Variants in PATJ observed in about 807,000 individuals in gnomAD.
PATJ encodes the protein inaD-like protein.
In PATJ, 190 loss-of-function variants were observed where a neutral mutation model predicts 224.9. The observed-to-expected ratio is 0.84, with a 90% confidence interval of 0.75 to 0.95. The LOEUF is 0.95. PATJ is among the 40% of genes least tolerant of loss of function. The pLI is 0.00. For missense variants in PATJ, 2,121 were observed against 2,270.3 expected, an observed-to-expected ratio of 0.93 and a Z score of 1.34; for synonymous variants, 769 against 820.3, an observed-to-expected ratio of 0.94 and a Z score of 1.07.
chr1:62,070,150 T>C (rs1657141634), intron 31 of PATJ, among the ~76,000 whole-genome samples: 2 of 152,192 alleles, frequency 1.3e-5, no homozygotes, highest in African/African-American at 2.4e-5. Context: ...AGATCTACAA[T>C]ATCATTTTCA....
At chr1:62,150,166 G>A (rs1179821753) in intron 42 of PATJ, among the ~76,000 whole-genome samples, 2 of 152,102 alleles carry the variant, frequency 1.3e-5, no homozygotes, top group Non-Finnish European at 2.9e-5. Flanking sequence ...CACAAAGTGG[G>A]GAAAAGTAGA....
At chr1:62,143,952 G>A (rs1486272907) in intron 41 of PATJ, among the ~76,000 whole-genome samples, 1 of 152,116 alleles carries the variant, frequency 6.6e-6, no homozygotes, top group Non-Finnish European at 1.5e-5. Context: ...GGGAGATGGG[G>A]ATGGAAGCTG....
chr1:62,160,384 A>G (rs1199127650), intron 43 of PATJ, among the ~76,000 whole-genome samples: 1 of 152,230 alleles, frequency 6.6e-6, no homozygotes, highest in African/African-American at 2.4e-5. Context: ...GTATATATTT[A>G]TATGTAGATA....
rs556367573 is a variant in PATJ at position 62,061,735 on chromosome 1, C to T, written c.4125+10677C>T. On this transcript the variant is annotated intron_variant, in intron 31 of 43. Coordinates refer to ENST00000642238, the MANE Select transcript of PATJ (RefSeq NM_001350145.3). Reference sequence around the variant, plus strand: ...AGTGCAGTGGTGTGGTCTTGGCTCACTGCAAGCTCCGCCTCCCAGGTTCAC... The same window carrying T: ...AGTGCAGTGGTGTGGTCTTGGCTCATTGCAAGCTCCGCCTCCCAGGTTCAC... Among the ~76,000 whole-genome samples, 270 of 152,132 alleles carry T rather than the reference C, an allele frequency of 1.8e-3. 2 individuals carry two copies. Among genetic ancestry groups the T allele is most frequent in the African/African-American group, 6.0e-3 (251 of 41,508 alleles).
chr1:62,040,960 A>G (rs1256152021), intron 30 of PATJ, among the ~76,000 whole-genome samples: 1 of 152,232 alleles, frequency 6.6e-6, no homozygotes, highest in Non-Finnish European at 1.5e-5. Context: ...TCTTATATAC[A>G]TGGCAAACAC....
chr1:61,927,624 G>A (rs1675406259), intron 26 of PATJ, 106 bp from the exon 27 acceptor site: 2 of 658,156 alleles, frequency 3.0e-6, no homozygotes, highest in Non-Finnish European at 5.2e-6. Flanking sequence ...AATGAAGTTG[G>A]GTATGGTCTA....
chr1:61,869,215 T>C (rs1665918717), intron 20 of PATJ, among the ~76,000 whole-genome samples: 1 of 146,076 alleles, frequency 6.8e-6, no homozygotes, highest in African/African-American at 2.6e-5. Context: ...CACGCCATTC[T>C]CCTGCCTCAG....
intron 17 of PATJ, among the ~76,000 whole-genome samples, chr1:61,836,218 G>T (rs1660156212): frequency 6.6e-6 from 1 of 151,952 alleles, no homozygotes; most frequent in Non-Finnish European, 1.5e-5. Context: ...CATTCCTGTA[G>T]GTATGTATTG....
chr1:62,079,491 C>T lies in PATJ; in HGVS notation c.4167C>T (p.Val1389=), dbSNP rs1192729619. 2 of 1,613,952 alleles carry T rather than the reference C, an allele frequency of 1.2e-6. No homozygotes were observed. The highest frequency in any genetic ancestry group is 1.7e-5 in the Admixed American group (1 of 60,000). Residue 1389 remains valine (V), a synonymous_variant, in exon 32 of 44, where the codon GTC becomes GTT. Coordinates refer to ENST00000642238, the MANE Select transcript of PATJ (RefSeq NM_001350145.3). ...QMKQQKYPTK[V]SFSSQEIPLA... Reference sequence around the variant, plus strand: ...AACAGCAAAAATATCCAACAAAAGTCTCCTTCAGTTCACAAGAGATACCAT... The same window carrying T: ...AACAGCAAAAATATCCAACAAAAGTTTCCTTCAGTTCACAAGAGATACCAT...
Position 62,084,598 on chromosome 1 carries a change from G to A in PATJ, c.4327G>A (p.Gly1443Arg), listed in dbSNP as rs776500381. 3 of 1,613,302 alleles carry A rather than the reference G, an allele frequency of 1.9e-6. No homozygotes were observed. The highest frequency in any genetic ancestry group is 2.5e-6 in the Non-Finnish European group (3 of 1,179,708). ...GGAAATGATTATAGAAATATCCAAG[G>A]GACGTTCAGGGCTTGGTCTCAGCAT... ...GQEMIIEISKGRSGLGLSIVG... is the reference protein window; with the variant it reads ...GQEMIIEISKRRSGLGLSIVG... Residue 1443 changes from glycine to arginine, a missense_variant, in exon 33 of 44, where the codon GGA becomes AGA. Gly to Arg is a moderately radical substitution (Grantham distance 125). Coordinates refer to ENST00000642238, the MANE Select transcript of PATJ (RefSeq NM_001350145.3).
At chr1:62,088,075 G>T (rs895229726) in intron 33 of PATJ, among the ~76,000 whole-genome samples, 1 of 151,952 alleles carries the variant, frequency 6.6e-6, no homozygotes, top group Non-Finnish European at 1.5e-5. Flanking sequence ...ATTTTTAGTA[G>T]AGACGGGGTT....
At chr1:62,052,130 G>A (rs1040117220) in intron 31 of PATJ, among the ~76,000 whole-genome samples, 1 of 152,098 alleles carries the variant, frequency 6.6e-6, no homozygotes, top group African/African-American at 2.4e-5. Flanking sequence ...GTTTAAAAAT[G>A]TCCTACAAAT....
At chr1:61,992,124 T>TTG (rs1645102015) in intron 28 of PATJ, among the ~76,000 whole-genome samples, 1 of 151,646 alleles carries the variant, frequency 6.6e-6, no homozygotes, top group East Asian at 1.9e-4. Flanking sequence ...ATTCTTTTTT[T>TTG]TTTTTTTTTT....
chr1:61,984,590 C>A (rs1425383430), intron 27 of PATJ, among the ~76,000 whole-genome samples: 1 of 152,040 alleles, frequency 6.6e-6, no homozygotes, highest in Non-Finnish European at 1.5e-5. Flanking sequence ...CTGAATAACT[C>A]ATCTGTTAGC....
At chr1:62,035,161 AG>A (rs1383970559) in intron 29 of PATJ, among the ~76,000 whole-genome samples, 2 of 152,236 alleles carry the variant, frequency 1.3e-5, no homozygotes, top group Non-Finnish European at 2.9e-5. Flanking sequence ...CAAACTACTG[AG>A]GAATGGATTG....
At chr1:61,976,174 CT>C (rs967141776) in intron 27 of PATJ, among the ~76,000 whole-genome samples, 2 of 151,958 alleles carry the variant, frequency 1.3e-5, no homozygotes, top group Non-Finnish European at 2.9e-5. Context: ...AGGTTTTAGG[CT>C]TTCCTTCTGC....
chr1:62,054,776 G>A (rs147019826), intron 31 of PATJ, among the ~76,000 whole-genome samples: 1,829 of 151,940 alleles, frequency 0.012, 17 homozygotes, highest in Middle Eastern at 0.048. Flanking sequence ...AAGTTTTTTC[G>A]CGGGGTACGG....
chr1:62,040,580 C>G (rs560410111), intron 30 of PATJ, among the ~76,000 whole-genome samples: 206 of 152,154 alleles, frequency 1.4e-3, no homozygotes, highest in African/African-American at 4.7e-3. Context: ...GAGGGAGGAG[C>G]CTTCCCTGCT....
At chr1:61,847,940 GTT>G (rs10707299) in intron 17 of PATJ, among the ~76,000 whole-genome samples, 1 of 151,806 alleles carries the variant, frequency 6.6e-6, no homozygotes, top group Non-Finnish European at 1.5e-5. Flanking sequence ...GTATTTTGTT[GTT>G]TTTTTTTATA....
Sources: allele counts gnomAD v4.1 joint callset (sites outside exome capture counted in the v4.1 genomes callset), GRCh38; gene constraint gnomAD v4.1.1; transcripts MANE v1.5; gene names NCBI Gene and HGNC (gene_info 2026-07-23, HGNC 2026-07-21).